The following PIAS2 variants were observed in gnomAD, a reference collection of about 807,000 sequenced individuals.
PIAS2 encodes the protein E3 SUMO-protein ligase PIAS2.
In PIAS2, 19 loss-of-function variants were observed where a neutral mutation model predicts 69.7. The ratio of observed to expected loss-of-function variants is 0.27; its 90% confidence interval spans 0.19 to 0.40. PIAS2 has a LOEUF of 0.40. PIAS2 is among the 10% of genes least tolerant of loss of function. The pLI is 1.00. For missense variants in PIAS2, 624 were observed against 757.0 expected (o/e 0.82, Z 2.06); for synonymous variants, 261 against 263.2 (o/e 0.99, Z 0.08).
At chr18:46,845,617 T>A (rs1437156234) in intron 6 of PIAS2, among the ~76,000 whole-genome samples, 1 of 151,616 alleles carries the variant, frequency 6.6e-6, no homozygotes, top group African/African-American at 2.4e-5. Context: ...CAAAATATAA[T>A]TTCACATAAA....
rs1020822126 is a variant in PIAS2 at position 46,830,013 on chromosome 18, A to G, written c.1203-146T>C. 6 of 632,228 alleles carry G rather than the reference A, an allele frequency of 9.5e-6. No individual in the cohort carries two copies. In the Admixed American group the frequency reaches 1.6e-4, roughly 16 times the overall value. The allele number at this position is 632,228 out of a possible 1,614,324, so 39.2% of individuals were successfully genotyped here. A position where few individuals can be genotyped will look rare whatever the true frequency, so the allele number is the denominator to read the frequency against. ...GTATTGCAATACTTTATACTTTACA[A>G]CAATTATTACACTCCCTTTGTCCTA... is the stretch of plus-strand genomic sequence containing the variant. On this transcript the variant is annotated intron_variant, in intron 9 of 13. Coordinates refer to ENST00000585916, the MANE Select transcript of PIAS2 (RefSeq NM_004671.5).
At chr18:46,870,011 C>T (rs1041724261) in intron 2 of PIAS2, among the ~76,000 whole-genome samples, 14 of 152,056 alleles carry the variant, frequency 9.2e-5, no homozygotes, top group East Asian at 1.9e-4. Flanking sequence ...CACCCACCTC[C>T]GCCAAATCCC....
At position 46,811,051 on chromosome 18, in the gene PIAS2, T is replaced by C. The variant is rs928656650; in HGVS notation, c.*1382A>G. The C allele has an allele frequency of 6.6e-6, 1 of 152,178 alleles. No homozygotes were observed. The highest frequency in any genetic ancestry group is 3.2e-3 in the Middle Eastern group (1 of 316). The allele number at this position is 152,178 out of a possible 1,614,324, so 9.4% of individuals were successfully genotyped here. On this transcript the variant is annotated 3_prime_UTR_variant, in exon 14 of 14. Coordinates refer to ENST00000585916, the MANE Select transcript of PIAS2 (RefSeq NM_004671.5). ...TAAGAGTAAAACCCAGTTTTCTCTG[T>C]GATTTAAAATCAAACAAACACACTA...
In PIAS2 at chr18:46,804,066, T is replaced by C. The variant is rs530591545; in HGVS notation, c.*8367A>G. The stretch of plus-strand genomic sequence containing the variant: ...TGAGGTATTATATATTCCAAAGGTA[T>C]TGAATTTCCAGTCAGCATAAGTCAA... On this transcript the variant is annotated 3_prime_UTR_variant, in exon 14 of 14. Transcript: ENST00000585916. 2.0e-5 allele frequency: 3 copies of C among 152,220 alleles called. No individual in the cohort carries two copies. Among genetic ancestry groups the C allele is most frequent in the Admixed American group, 6.5e-5 (1 of 15,284 alleles). The allele number at this position is 152,220 out of a possible 1,614,324, so 9.4% of individuals were successfully genotyped here. A position where few individuals can be genotyped will look rare whatever the true frequency, so the allele number is the denominator to read the frequency against.
rs2144648933 is a variant in PIAS2 at position 46,805,120 on chromosome 18, A to C, written c.*7313T>G. On this transcript the variant is annotated 3_prime_UTR_variant, in exon 14 of 14. Coordinates refer to ENST00000585916, the MANE Select transcript of PIAS2 (RefSeq NM_004671.5). The stretch of plus-strand genomic sequence containing the variant: ...GCAGCAAAGTCATCTTCTGAGAAGG[A>C]AGTGGCCTGAAAAGAGGGCAATAAC... The C allele has an allele frequency of 6.6e-6, 1 of 152,328 alleles. No individual in the cohort carries two copies. Among genetic ancestry groups the C allele is most frequent in the African/African-American group, 2.4e-5 (1 of 41,574 alleles). 9.4% of individuals were successfully genotyped at this position (152,328 alleles called of 1,614,324 possible).
At chr18:46,913,598 C>T (rs1309278769) in intron 1 of PIAS2, among the ~76,000 whole-genome samples, 7 of 151,746 alleles carry the variant, frequency 4.6e-5, no homozygotes, top group African/African-American at 1.5e-4. Flanking sequence ...AGATCCCCCT[C>T]CTCCCCATTG....
intron 1 of PIAS2, 41 bp from the exon 2 acceptor site, chr18:46,891,095 A>T: frequency 7.4e-7 from 1 of 1,357,372 alleles, no homozygotes; most frequent in Non-Finnish European, 1.0e-6. Context: ...AGTCACCCTC[A>T]AGCATACAAA....
intron 1 of PIAS2, among the ~76,000 whole-genome samples, chr18:46,893,027 G>A (rs2054301349): frequency 6.6e-6 from 1 of 152,026 alleles, no homozygotes; most frequent in African/African-American, 2.4e-5. Flanking sequence ...ACCACACTGT[G>A]GTAGCTCTAA....
chr18:46,904,422 T>C (rs1014984137), intron 1 of PIAS2, among the ~76,000 whole-genome samples: 1 of 151,968 alleles, frequency 6.6e-6, no homozygotes, highest in Non-Finnish European at 1.5e-5. Context: ...TGAGGAGAAA[T>C]TTTTTAAATT....
chr18:46,831,485 T>A (rs1219031070), intron 9 of PIAS2, among the ~76,000 whole-genome samples: 1 of 152,186 alleles, frequency 6.6e-6, no homozygotes, highest in African/African-American at 2.4e-5. Flanking sequence ...TTTCCCCTAA[T>A]TGACAAGCTG....
upstream of PIAS2, among the ~76,000 whole-genome samples, chr18:46,919,594 AGCTGCGATCGCACCATT>A (rs2058409793): frequency 1.3e-5 from 2 of 152,208 alleles, no homozygotes; most frequent in Non-Finnish European, 2.9e-5. Flanking sequence ...GGTTGCAGTG[AGCTGCGATCGCACCATT>A]GCACTCCAGC....
chr18:46,846,645 A>G, intron 6 of PIAS2, 62 bp downstream of exon 6: 9 of 1,467,742 alleles, frequency 6.1e-6, no homozygotes, highest in Non-Finnish European at 8.2e-6. Flanking sequence ...CTTAAGAAAA[A>G]ACACAGAAAG....
chr18:46,917,500 C>A lies in PIAS2; in HGVS notation c.-155G>T. On this transcript the variant is annotated 5_prime_UTR_variant, in exon 1 of 14. Coordinates refer to ENST00000585916, the MANE Select transcript of PIAS2 (RefSeq NM_004671.5). ...CGGCCGCCGCCGCTACAGCCGGGCC[C>A]GTCACGTGAACGGCGCGGGAGCTCC... 1 of 1,188,322 alleles carries A rather than the reference C, an allele frequency of 8.4e-7. No individual in the cohort carries two copies. Among genetic ancestry groups the A allele is most frequent in the East Asian group, 3.8e-5 (1 of 26,068 alleles). The allele number at this position is 1,188,322 out of a possible 1,614,324, so 73.6% of individuals were successfully genotyped here. A position where few individuals can be genotyped will look rare whatever the true frequency, so the allele number is the denominator to read the frequency against.
At chr18:46,824,462 C>G (rs190998184) in intron 11 of PIAS2, among the ~76,000 whole-genome samples, 18 of 152,228 alleles carry the variant, frequency 1.2e-4, no homozygotes, top group African/African-American at 4.3e-4. Context: ...GTAAAATTAT[C>G]TTTTAATATG....
Position 46,888,850 on chromosome 18 carries a change from G to T in PIAS2, c.499+1730C>A, listed in dbSNP as rs564715459. On this transcript the variant is annotated intron_variant, in intron 2 of 13. Transcript: ENST00000585916. ...TGCTCACCTCCCGCTGTGCGACCTG[G>T]TTTCTAACAGGCTGTGGACTGGTGC... Among the ~76,000 whole-genome samples the T allele has an allele frequency of 3.3e-5, 5 of 152,142 alleles. No individual in the cohort carries two copies. In the East Asian group the frequency reaches 9.6e-4, roughly 29 times the overall value.
In PIAS2 at chr18:46,808,964, A is replaced by C. The variant is rs2040844012; in HGVS notation, c.*3469T>G. 6.7e-6 allele frequency: 1 copy of C among 148,800 alleles called. No homozygotes were observed. Among genetic ancestry groups the C allele is most frequent in the Non-Finnish European group, 1.5e-5 (1 of 65,768 alleles). 9.2% of individuals were successfully genotyped at this position (148,800 alleles called of 1,614,324 possible). A position where few individuals can be genotyped will look rare whatever the true frequency, so the allele number is the denominator to read the frequency against. ...AACTAATGAATACTTTATTGGCAGA[A>C]AAAAAAGACAACTTGGCTGGAAATG... On this transcript the variant is annotated 3_prime_UTR_variant, in exon 14 of 14. Transcript: ENST00000585916.
chr18:46,884,357 G>C (rs1027215373), intron 2 of PIAS2, among the ~76,000 whole-genome samples: 1 of 151,448 alleles, frequency 6.6e-6, no homozygotes, highest in Non-Finnish European at 1.5e-5. Flanking sequence ...CTGTCACCCA[G>C]GCCAGAGTGC....
intron 2 of PIAS2, among the ~76,000 whole-genome samples, chr18:46,869,948 A>G (rs2050076391): frequency 6.6e-6 from 1 of 152,104 alleles, no homozygotes; most frequent in Non-Finnish European, 1.5e-5. Context: ...TCCTCTGAGG[A>G]AAGTAAGACC....
chr18:46,876,374 G>A, intron 2 of PIAS2, among the ~76,000 whole-genome samples: 1 of 152,116 alleles, frequency 6.6e-6, no homozygotes, highest in East Asian at 1.9e-4. Flanking sequence ...TATTCTGGTG[G>A]TTAACTGTAA....
Sources: gnomAD v4.1 joint callset for allele counts (sites outside exome capture counted in the v4.1 genomes callset) on GRCh38, gnomAD v4.1.1 for gene constraint, MANE v1.5 for transcripts, NCBI Gene and HGNC (gene_info 2026-07-23, HGNC 2026-07-21) for gene names.